Variants in NUF2 observed in about 807,000 individuals in gnomAD.
NUF2 encodes the protein NUF2 component of NDC80 kinetochore complex.
In NUF2, 34 loss-of-function variants were observed where a neutral mutation model predicts 61.8. The observed-to-expected ratio is 0.55, with a 90% CI of 0.42 to 0.73. The LOEUF is 0.73. Among genes scored for constraint, NUF2 ranks in the 30% least tolerant of loss-of-function variants. NUF2 has a pLI of 0.00. For synonymous variants in NUF2, 172 were observed against 181.6 expected, an observed-to-expected ratio of 0.95 and a Z score of 0.42; for missense variants, 445 against 539.1, an observed-to-expected ratio of 0.83 and a Z score of 1.73.
rs1025560619 is a variant in NUF2 at position 163,322,038 on chromosome 1, C to T, written c.-195C>T. 4.6e-5 allele frequency: 7 copies of T among 152,270 alleles called. No individual in the cohort carries two copies. The highest frequency in any genetic ancestry group is 1.3e-4 in the Admixed American group (2 of 15,266). The allele number at this position is 152,270 out of a possible 1,614,324, so 9.4% of individuals were successfully genotyped here. ...GCTTGTAGCTGCTCCCCGAACTCGC[C>T]GTCTTCCTGTCGGCGGCCGGCACTG... On this transcript the variant is annotated 5_prime_UTR_variant, in exon 1 of 14. Coordinates refer to ENST00000271452, the MANE Select transcript of NUF2 (RefSeq NM_145697.3).
Position 163,332,703 on chromosome 1 carries a change from C to T in NUF2, c.337+3796C>T, listed in dbSNP as rs78163578. 7.9e-3 allele frequency among the ~76,000 whole-genome samples: 1,201 copies of T among 152,206 alleles called. 12 individuals are homozygous for T. The highest frequency in any genetic ancestry group is 0.027 in the African/African-American group (1,142 of 41,550). ...TCATGATCACATTGCTTTCTATTTT[C>T]TGTGTATAGTCCAATCTCTCTCTAC... On this transcript the variant is annotated intron_variant, in intron 5 of 13. Coordinates refer to ENST00000271452, the MANE Select transcript of NUF2 (RefSeq NM_145697.3).
intron 1 of NUF2, among the ~76,000 whole-genome samples, chr1:163,325,370 A>C (rs918571165): frequency 6.6e-6 from 1 of 152,192 alleles, no homozygotes; most frequent in Non-Finnish European, 1.5e-5. Flanking sequence ...CTTGGTGATA[A>C]AGTTAGAGAA....
intron 11 of NUF2, 119 bp from the exon 12 acceptor site, chr1:163,347,640 TAAAG>T: frequency 1.4e-6 from 1 of 703,934 alleles, no homozygotes. Context: ...TTTCAGGTTT[TAAAG>T]AGTTTTGTCT....
chr1:163,353,730 A>C (rs895000540), intron 13 of NUF2, among the ~76,000 whole-genome samples: 1 of 152,202 alleles, frequency 6.6e-6, no homozygotes, highest in African/African-American at 2.4e-5. Context: ...AGTATTTGTC[A>C]GGGATACGAT....
chr1:163,340,841 G>A (rs1321706499), intron 9 of NUF2, among the ~76,000 whole-genome samples: 1 of 152,056 alleles, frequency 6.6e-6, no homozygotes, highest in Non-Finnish European at 1.5e-5. Flanking sequence ...TGTATGTGCT[G>A]TCTTGTAGAT....
intron 5 of NUF2, among the ~76,000 whole-genome samples, chr1:163,331,840 A>G (rs912370282): frequency 2.0e-5 from 3 of 151,888 alleles, no homozygotes; most frequent in East Asian, 3.8e-4. Context: ...CATCTTCTCT[A>G]TCATTTCTGT....
intron 8 of NUF2, 37 bp from the exon 9 acceptor site, chr1:163,340,327 T>A (rs1283780548): frequency 6.6e-7 from 1 of 1,514,360 alleles, no homozygotes; most frequent in East Asian, 2.3e-5. Context: ...TCTAAATGTT[T>A]TGAATCATTA....
At chr1:163,334,344 G>A (rs1650688937) in intron 5 of NUF2, among the ~76,000 whole-genome samples, 1 of 152,138 alleles carries the variant, frequency 6.6e-6, no homozygotes, top group South Asian at 2.1e-4. Context: ...GAGGAAAAAT[G>A]TCTTCTATAT....
Position 163,355,595 on chromosome 1 carries a change from C to A in NUF2, c.*126C>A, listed in dbSNP as rs1651461033. ...AATGTTGGCTTCATCAGTTTTTATACACTCTCATAAGTAGTTAATAAGATG... is the reference window on the plus strand; with the variant it reads ...AATGTTGGCTTCATCAGTTTTTATAAACTCTCATAAGTAGTTAATAAGATG... On this transcript the variant is annotated 3_prime_UTR_variant, in exon 14 of 14. Transcript: ENST00000271452. 4.5e-6 allele frequency: 3 copies of A among 671,080 alleles called. No individual in the cohort carries two copies. The highest frequency in any genetic ancestry group is 1.9e-5 in the African/African-American group (1 of 53,862). 41.6% of individuals were successfully genotyped at this position (671,080 alleles called of 1,614,324 possible).
intron 4 of NUF2, 39 bp downstream of exon 4, chr1:163,328,343 G>T: frequency 8.0e-7 from 1 of 1,244,916 alleles, no homozygotes; most frequent in Non-Finnish European, 1.2e-6. Flanking sequence ...GTCTACATTC[G>T]TATTTATATT....
Position 163,322,095 on chromosome 1 carries a change from C to G in NUF2, c.-138C>G, listed in dbSNP as rs756320730. 1 of 152,298 alleles carries G rather than the reference C, an allele frequency of 6.6e-6. No homozygotes were observed. 9.4% of individuals were successfully genotyped at this position (152,298 alleles called of 1,614,324 possible). A position where few individuals can be genotyped will look rare whatever the true frequency, so the allele number is the denominator to read the frequency against. ...AGCGCGAGAGGACGGAGGAAGGAAG[C>G]CTGCAGACAGACGCCTTCTCCATCC... On this transcript the variant is annotated 5_prime_UTR_variant, in exon 1 of 14. Transcript: ENST00000271452.
Position 163,345,680 on chromosome 1 carries a change from A to T in NUF2, c.810A>T (p.Gln270His). 1 of 1,607,888 alleles carries T rather than the reference A, an allele frequency of 6.2e-7. No homozygotes were observed. Among genetic ancestry groups the T allele is most frequent in the Non-Finnish European group, 8.5e-7 (1 of 1,178,296 alleles). Residue 270 changes from glutamine to histidine, a missense_variant and splice_region_variant, in exon 11 of 14, where the codon CAA becomes CAT. Transcript: ENST00000271452. ...TCTCTGTTTTTTGTCTTTCAAAGCA[A>T]GAAGTGGTGGAGAAATATGAAATCT... Reference protein sequence around the residue: ...DTVQKLKNARQEVVEKYEIYG... With the variant: ...DTVQKLKNARHEVVEKYEIYG...
intron 8 of NUF2, 144 bp from the exon 9 acceptor site, chr1:163,340,220 G>C (rs1283538795): frequency 6.5e-6 from 4 of 615,426 alleles, no homozygotes; most frequent in Non-Finnish European, 1.1e-5. Flanking sequence ...TTTTGGCTTA[G>C]GAGCATCATG....
chr1:163,347,325 TAGA>T (rs1651166833), intron 11 of NUF2, among the ~76,000 whole-genome samples: 1 of 152,238 alleles, frequency 6.6e-6, no homozygotes, highest in African/African-American at 2.4e-5. Context: ...AAGTAGGGAT[TAGA>T]AGGTGAGATT....
At chr1:163,325,925 A>G in intron 1 of NUF2, 107 bp from the exon 2 acceptor site, 8 of 742,252 alleles carry the variant, frequency 1.1e-5, no homozygotes, top group Non-Finnish European at 1.8e-5. Flanking sequence ...AGTTAACACT[A>G]CTATGAATAG....
chr1:163,328,585 T>C, intron 4 of NUF2: 1 of 505,852 alleles, frequency 2.0e-6, no homozygotes, highest in Non-Finnish European at 3.5e-6. Flanking sequence ...CTTAAAAGAG[T>C]CTTAGTGTCA....
rs1164178784 is a variant in NUF2 at position 163,345,831 on chromosome 1, T to C, written c.948+13T>C. The C allele has an allele frequency of 3.2e-6, 5 of 1,565,134 alleles. No homozygotes were observed. The highest frequency in any genetic ancestry group is 4.4e-6 in the Non-Finnish European group (5 of 1,148,594). ...TATCTTAAAGGAGGTTTGTATTGTA[T>C]GGAATTTTGATGTCTTTATTATATA... On this transcript the variant is annotated intron_variant, in intron 11 of 13. Coordinates refer to ENST00000271452, the MANE Select transcript of NUF2 (RefSeq NM_145697.3).
At chr1:163,322,513 T>G (rs1331434484) in intron 1 of NUF2, among the ~76,000 whole-genome samples, 1 of 152,192 alleles carries the variant, frequency 6.6e-6, no homozygotes, top group Non-Finnish European at 1.5e-5. Context: ...AATCCAAAAT[T>G]CAAAGGAAAA....
At chr1:163,334,913 G>A in intron 5 of NUF2, among the ~76,000 whole-genome samples, 1 of 152,126 alleles carries the variant, frequency 6.6e-6, no homozygotes, top group Non-Finnish European at 1.5e-5. Flanking sequence ...ATGGAGGGCT[G>A]ACTGTACTAT....
Sources: gnomAD v4.1 joint callset for allele counts (sites outside exome capture counted in the v4.1 genomes callset) on GRCh38, gnomAD v4.1.1 for gene constraint, MANE v1.5 for transcripts, NCBI Gene and HGNC (gene_info 2026-07-23, HGNC 2026-07-21) for gene names.